IZUMO1: variants seen among roughly 807,000 people sequenced by gnomAD.
IZUMO1 encodes the protein izumo sperm-oocyte fusion 1.
Under a neutral mutation model 40.7 loss-of-function variants are expected in IZUMO1, and 44 were observed. The ratio of observed to expected loss-of-function variants is 1.08; its 90% CI spans 0.85 to 1.39. The LOEUF is 1.39. Among genes scored for constraint, IZUMO1 ranks in the 40% most tolerant of loss-of-function variants. The pLI is 0.00. For synonymous variants in IZUMO1, 149 were observed against 170.9 expected (o/e 0.87, Z 1.00); for missense variants, 368 against 436.9 (o/e 0.84, Z 1.41).
chr19:48,741,604 C>A lies in IZUMO1; in HGVS notation c.755-126G>T. On this transcript the variant is annotated intron_variant, in intron 8 of 9. Coordinates refer to ENST00000332955, the MANE Select transcript of IZUMO1 (RefSeq NM_182575.3). This position sits in a 1 kb window ranked among gnomAD's most constrained non-coding sequence, Gnocchi z 4.4. ...CGCCTTCAACAGTGTCAAGCCTGAA[C>A]ACACCCAAGGGAACCCCTGTCCTCG... The A allele has an allele frequency of 7.7e-7, 1 of 1,292,992 alleles. No individual in the cohort carries two copies. Among genetic ancestry groups the A allele is most frequent in the Non-Finnish European group, 1.1e-6 (1 of 937,878 alleles). The allele number at this position is 1,292,992 out of a possible 1,614,324, so 80.1% of individuals were successfully genotyped here.
chr19:48,741,023 A>C lies in IZUMO1; in HGVS notation c.938T>G (p.Phe313Cys). 6.2e-7 allele frequency: 1 copy of C among 1,613,962 alleles called. No individual in the cohort carries two copies. The highest frequency in any genetic ancestry group is 8.5e-7 in the Non-Finnish European group (1 of 1,179,972). Residue 313 changes from phenylalanine (F) to cysteine (C), a missense_variant, in exon 10 of 10, where the codon TTT (phenylalanine) becomes TGT (cysteine). Coordinates refer to ENST00000332955, the MANE Select transcript of IZUMO1 (RefSeq NM_182575.3). This position sits in a 1 kb window ranked among gnomAD's most constrained non-coding sequence, Gnocchi z 4.4. ...GAAATCGATCACCTTCCTTCGACGA[A>C]ATATCCTAGGGGTGGGAGTGGGGTG... ...ALITGLTFAI[F>C]RRRKVIDFIK... is the part of the protein sequence containing the mutation.
chr19:48,741,910 G>A lies in IZUMO1; in HGVS notation c.633C>T (p.Ser211=), dbSNP rs2033709926. 6.2e-7 allele frequency: 1 copy of A among 1,610,604 alleles called. No individual in the cohort carries two copies. The highest frequency in any genetic ancestry group is 1.7e-5 in the Admixed American group (1 of 59,646). The stretch of plus-strand genomic sequence containing the variant: ...TGGTCAGGGTGGCCTCTTTCCCCTT[G>A]GACACCAAGGTCTCCGTATTGTTCC... ...VWGNNTETLV[S]KGKEATLTKP... Residue 211 remains serine (S), a synonymous_variant, in exon 8 of 10, where the codon TCC becomes TCT. Coordinates refer to ENST00000332955, the MANE Select transcript of IZUMO1 (RefSeq NM_182575.3). The surrounding 1 kb of genome is among the most constrained non-coding windows in gnomAD (Gnocchi z 4.4).
At chr19:48,745,310 C>T (rs2033847778) in intron 2 of IZUMO1, 22 bp from the exon 3 acceptor site, 2 of 1,602,516 alleles carry the variant, frequency 1.2e-6, no homozygotes, top group Admixed American at 3.3e-5. Flanking sequence ...GATATAACCC[C>T]AGATTCCAGC....
rs757215479 is a variant in IZUMO1 at position 48,741,843 on chromosome 19, C to T, written c.700G>A (p.Glu234Lys). Residue 234 changes from glutamate (E) to lysine (K), a missense_variant, in exon 8 of 10, where the codon GAG becomes AAG. Transcript: ENST00000332955. The surrounding 1 kb of genome is among the most constrained non-coding windows in gnomAD (Gnocchi z 4.4). ...GPEDAGSYRC[E>K]LGSVNSSPAT... ...GGGCTGGAATTCACAGAGCCCAGCT[C>T]GCAGCGGTAGCTGCCTGCATCCTCT... 1.2e-6 allele frequency: 2 copies of T among 1,610,436 alleles called. No individual in the cohort carries two copies. The highest frequency in any genetic ancestry group is 1.1e-5 in the South Asian group (1 of 90,910).
intron 1 of IZUMO1, 197 bp from the exon 2 acceptor site, chr19:48,746,129 C>T (rs1165471248): frequency 6.8e-6 from 9 of 1,323,096 alleles, no homozygotes; most frequent in Non-Finnish European, 7.7e-6. Flanking sequence ...ACTGAATCCC[C>T]CAACTGAGAG....
rs2033692213 is a variant in IZUMO1 at position 48,741,572 on chromosome 19, A to C, written c.755-94T>G. On this transcript the variant is annotated intron_variant, in intron 8 of 9. Transcript: ENST00000332955. The surrounding 1 kb of genome is among the most constrained non-coding windows in gnomAD (Gnocchi z 4.4). Reference sequence around the variant, plus strand: ...GTCCCAGTAGCCGGCCATCCCAGAGATAATCACGCCTTCAACAGTGTCAAG... The same window carrying C: ...GTCCCAGTAGCCGGCCATCCCAGAGCTAATCACGCCTTCAACAGTGTCAAG... The C allele has an allele frequency of 7.1e-7, 1 of 1,406,346 alleles. No homozygotes were observed. The highest frequency in any genetic ancestry group is 9.8e-7 in the Non-Finnish European group (1 of 1,024,182). 87.1% of individuals were successfully genotyped at this position (1,406,346 alleles called of 1,614,324 possible).
Position 48,740,976 on chromosome 19 carries a change from G to A in IZUMO1, c.985C>T (p.Leu329Phe). The A allele has an allele frequency of 1.2e-6, 2 of 1,614,160 alleles. No individual in the cohort carries two copies. Among genetic ancestry groups the A allele is most frequent in the Non-Finnish European group, 1.7e-6 (2 of 1,180,008 alleles). The change falls in exon 10 of 10, where the codon CTT becomes TTT. Residue 329 changes from leucine to phenylalanine, a missense_variant. Coordinates refer to ENST00000332955, the MANE Select transcript of IZUMO1 (RefSeq NM_182575.3). The surrounding 1 kb of genome is among the most constrained non-coding windows in gnomAD (Gnocchi z 5.5). ...IDFIKSSLFG[L>F]GSGAAEQTQV... ...GTTTGCTCGGCCGCTCCACTGCCAA[G>A]GCCAAACAGTGAGGATTTGATGAAA...
At position 48,744,282 on chromosome 19, in the gene IZUMO1, G is replaced by A. The variant is rs1477525654; in HGVS notation, c.398-87C>T. The stretch of plus-strand genomic sequence containing the variant: ...AAGACGATGGAAGAGGGGGTTGGGG[G>A]AAGAGCTGGGCTTTGGGCTTTTGGG... On this transcript the variant is annotated intron_variant, in intron 4 of 9. Coordinates refer to ENST00000332955, the MANE Select transcript of IZUMO1 (RefSeq NM_182575.3). The A allele has an allele frequency of 5.0e-6, 7 of 1,410,314 alleles. No homozygotes were observed. In the Admixed American group the frequency reaches 1.2e-4, roughly 24 times the overall value. The allele number at this position is 1,410,314 out of a possible 1,614,324, so 87.4% of individuals were successfully genotyped here.
In IZUMO1 at chr19:48,746,801, C is replaced by T. The variant is rs550588986; in HGVS notation, c.-440G>A. 8 of 985,244 alleles carry T rather than the reference C, an allele frequency of 8.1e-6. No individual in the cohort carries two copies. The highest frequency in any genetic ancestry group is 6.2e-5 in the Admixed American group (1 of 16,248). 61.0% of individuals were successfully genotyped at this position (985,244 alleles called of 1,614,324 possible). A position where few individuals can be genotyped will look rare whatever the true frequency, so the allele number is the denominator to read the frequency against. ...AAGGTTGGTTGCGTGAAATCGAGAGCTTTTCGACGGGGTCTGAGTCACGGA... is the reference window on the plus strand; with the variant it reads ...AAGGTTGGTTGCGTGAAATCGAGAGTTTTTCGACGGGGTCTGAGTCACGGA... On this transcript the variant is annotated 5_prime_UTR_variant, in exon 1 of 10. Coordinates refer to ENST00000332955, the MANE Select transcript of IZUMO1 (RefSeq NM_182575.3).
Position 48,741,830 on chromosome 19 carries a change from A to G in IZUMO1, c.713T>C (p.Val238Ala). 3 of 1,606,382 alleles carry G rather than the reference A, an allele frequency of 1.9e-6. No individual in the cohort carries two copies. Among genetic ancestry groups the G allele is most frequent in the African/African-American group, 2.7e-5 (2 of 74,882 alleles). The change falls in exon 8 of 10, where the codon GTG becomes GCG. Residue 238 changes from valine (V) to alanine (A), a missense_variant. By Grantham distance (64) the Val-to-Ala change is moderately conservative. Transcript: ENST00000332955. This position sits in a 1 kb window ranked among gnomAD's most constrained non-coding sequence, Gnocchi z 4.4. ...AGSYRCELGS[V>A]NSSPATIINF... ...GATGATCGTGGCTGGGCTGGAATTC[A>G]CAGAGCCCAGCTCGCAGCGGTAGCT...
At chr19:48,742,725 CTTTTTT>C (rs34894807) in intron 6 of IZUMO1, among the ~76,000 whole-genome samples, 7 of 93,510 alleles carry the variant, frequency 7.5e-5, no homozygotes, top group Non-Finnish European at 7.7e-5. Flanking sequence ...TTCTCTCTCT[CTTTTTT>C]TTTTTTTTTT....
rs1479535959 is a variant in IZUMO1, at chr19:48,746,464, C to T, written c.-103G>A. The T allele has an allele frequency of 2.0e-6, 2 of 989,270 alleles. No individual in the cohort carries two copies. Among genetic ancestry groups the T allele is most frequent in the Non-Finnish European group, 2.4e-6 (2 of 832,142 alleles). 61.3% of individuals were successfully genotyped at this position (989,270 alleles called of 1,614,324 possible). A position where few individuals can be genotyped will look rare whatever the true frequency, so the allele number is the denominator to read the frequency against. ...TTCCTAGAACTGAGGACCCCACTAA[C>T]ACTTAAGCGAGACTCCATGCGGTCC... On this transcript the variant is annotated 5_prime_UTR_variant, in exon 1 of 10. Coordinates refer to ENST00000332955, the MANE Select transcript of IZUMO1 (RefSeq NM_182575.3).
At position 48,744,688 on chromosome 19, in the gene IZUMO1, A is replaced by T. The variant is rs1228762191; in HGVS notation, c.311-149T>A. Reference sequence around the variant, plus strand: ...ATAATGCCAGCTGCTGGGCTAGGCAATGCATATTTTGGGGGATGGGGGAGG... The same window carrying T: ...ATAATGCCAGCTGCTGGGCTAGGCATTGCATATTTTGGGGGATGGGGGAGG... On this transcript the variant is annotated intron_variant, in intron 3 of 9. Coordinates refer to ENST00000332955, the MANE Select transcript of IZUMO1 (RefSeq NM_182575.3). 9.2e-5 allele frequency: 58 copies of T among 629,654 alleles called. 1 individual carries two copies. In the South Asian group the frequency reaches 1.0e-3, roughly 11 times the overall value. The allele number at this position is 629,654 out of a possible 1,614,324, so 39.0% of individuals were successfully genotyped here. A position where few individuals can be genotyped will look rare whatever the true frequency, so the allele number is the denominator to read the frequency against.
chr19:48,741,579 C>T lies in IZUMO1; in HGVS notation c.755-101G>A, dbSNP rs1661546749. On this transcript the variant is annotated intron_variant, in intron 8 of 9. Transcript: ENST00000332955. The surrounding 1 kb of genome is among the most constrained non-coding windows in gnomAD (Gnocchi z 4.4). ...TAGCCGGCCATCCCAGAGATAATCA[C>T]GCCTTCAACAGTGTCAAGCCTGAAC... The T allele has an allele frequency of 2.2e-6, 3 of 1,376,780 alleles. No individual in the cohort carries two copies. Among genetic ancestry groups the T allele is most frequent in the East Asian group, 2.3e-5 (1 of 43,252 alleles). 85.3% of individuals were successfully genotyped at this position (1,376,780 alleles called of 1,614,324 possible).
At position 48,745,272 on chromosome 19, in the gene IZUMO1, T is replaced by C. The variant is rs766270405; in HGVS notation, c.252A>G (p.Gln84=). 2.5e-6 allele frequency: 4 copies of C among 1,614,054 alleles called. No homozygotes were observed. The highest frequency in any genetic ancestry group is 1.6e-4 in the Middle Eastern group (1 of 6,062). The change falls in exon 3 of 10, where the codon CAA becomes CAG. Residue 84 remains glutamine (Q), a synonymous_variant. Coordinates refer to ENST00000332955, the MANE Select transcript of IZUMO1 (RefSeq NM_182575.3). The part of the protein sequence containing the change: ...YMGVVDEATL[Q]KGSWSLLKDL... Reference sequence around the variant, plus strand: ...CCTTCAGCAAACTCCAGGACCCCTTTTGCAGTGTGGCCTCATCTGTCAGAG... The same window carrying C: ...CCTTCAGCAAACTCCAGGACCCCTTCTGCAGTGTGGCCTCATCTGTCAGAG...
In IZUMO1 at chr19:48,746,513, C is replaced by T. The variant is rs1334301636; in HGVS notation, c.-152G>A. 3 of 986,144 alleles carry T rather than the reference C, an allele frequency of 3.0e-6. No individual in the cohort carries two copies. In the African/African-American group the frequency reaches 5.2e-5, roughly 17 times the overall value. 61.1% of individuals were successfully genotyped at this position (986,144 alleles called of 1,614,324 possible). On this transcript the variant is annotated 5_prime_UTR_variant, in exon 1 of 10. Coordinates refer to ENST00000332955, the MANE Select transcript of IZUMO1 (RefSeq NM_182575.3). ...CCTCTAGACCTAGGGGGCCCTTGTT[C>T]ACCCTTCCCCAAAACTAACGGGCTC... is the stretch of plus-strand genomic sequence containing the variant.
Position 48,745,631 on chromosome 19 carries a change from C to T in IZUMO1, c.229G>A (p.Val77Ile), listed in dbSNP as rs2033863511. The change falls in exon 2 of 10, where the codon GTC becomes ATC. Residue 77 changes from valine to isoleucine, a missense_variant. Val to Ile is a conservative substitution (Grantham distance 29). Transcript: ENST00000332955. ...TGGTCCCCCCTGCCCTCACCAACGA[C>T]CCCCATATAGGCATCCTCATTAAGC... Reference protein sequence around the residue: ...LSLNEDAYMGVVDEATLQKGS... With the variant: ...LSLNEDAYMGIVDEATLQKGS... 6.2e-7 allele frequency: 1 copy of T among 1,614,134 alleles called. No homozygotes were observed. The highest frequency in any genetic ancestry group is 1.1e-5 in the South Asian group (1 of 91,080).
intron 7 of IZUMO1, 45 bp downstream of exon 7, chr19:48,742,164 T>C (rs1391389953): frequency 1.3e-6 from 2 of 1,524,406 alleles, no homozygotes; most frequent in Admixed American, 1.7e-5. Flanking sequence ...AACACAAGTA[T>C]TGTAGTCTAG....
rs1042372447 is a variant in IZUMO1, at chr19:48,742,429, C to A, written c.500-120G>T. 28 of 697,318 alleles carry A rather than the reference C, an allele frequency of 4.0e-5. No homozygotes were observed. In the East Asian group the frequency reaches 4.7e-4, roughly 12 times the overall value. The allele number at this position is 697,318 out of a possible 1,614,324, so 43.2% of individuals were successfully genotyped here. On this transcript the variant is annotated intron_variant, in intron 6 of 9. Coordinates refer to ENST00000332955, the MANE Select transcript of IZUMO1 (RefSeq NM_182575.3). The stretch of plus-strand genomic sequence containing the variant: ...TTGGCGCGATCTCGGCTCACTGCAA[C>A]CTCCGCTTCCTGGGTTCAAGCGATT...
Sources: allele counts gnomAD v4.1 joint callset (sites outside exome capture counted in the v4.1 genomes callset), GRCh38; gene constraint gnomAD v4.1.1; non-coding constraint Gnocchi (gnomAD v3.1); transcripts MANE v1.5; gene names NCBI Gene and HGNC (gene_info 2026-07-23, HGNC 2026-07-21).